Variants in RBFOX1 observed in about 807,000 individuals in gnomAD.
RBFOX1 encodes RNA binding fox-1 homolog 1.
In RBFOX1, 8 loss-of-function variants were observed where a neutral mutation model predicts 57.7. The observed-to-expected ratio is 0.14, with a 90% CI of 0.08 to 0.25. The LOEUF is 0.25. Among genes scored for constraint, RBFOX1 ranks in the 10% least tolerant of loss-of-function variants. The pLI, the probability that RBFOX1 is intolerant of heterozygous loss-of-function variation, is 1.00. For missense variants in RBFOX1, 611 were observed against 548.5 expected (o/e 1.11, Z -1.14); for synonymous variants, 326 against 222.4 (o/e 1.47, Z -4.15).
chr16:7,392,905 G>A (rs2098063942), intron 4 of RBFOX1, among the ~76,000 whole-genome samples: 1 of 151,942 alleles, frequency 6.6e-6, no homozygotes, highest in Non-Finnish European at 1.5e-5. Context: ...ACAGAGTCTT[G>A]CTGTGTCCCC....
At chr16:7,341,132 C>T (rs574016468) in intron 4 of RBFOX1, among the ~76,000 whole-genome samples, 3 of 152,156 alleles carry the variant, frequency 2.0e-5, no homozygotes, top group Non-Finnish European at 2.9e-5. Context: ...GTTTTTCCCC[C>T]GTCTAAAGAT....
chr16:7,340,428 C>T (rs905880680), intron 4 of RBFOX1, among the ~76,000 whole-genome samples: 1 of 152,148 alleles, frequency 6.6e-6, no homozygotes, highest in African/African-American at 2.4e-5. Context: ...TCAGATTTGC[C>T]AAAGGCAGGG....
In RBFOX1 at chr16:6,852,303, T is replaced by G. The variant is rs1258226697; in HGVS notation, c.-16+197653T>G. Among the ~76,000 whole-genome samples, 3 of 152,278 alleles carry G rather than the reference T, an allele frequency of 2.0e-5. 1 individual carries two copies. The East Asian group carries it at 5.8e-4, about 29-fold the overall frequency. On this transcript the variant is annotated intron_variant, in intron 3 of 15. Transcript: ENST00000550418. ...CGTTCTGTGTGTGCCTCTGCGTCTT[T>G]CTTTTAAGGATGCTTGAGGTTGCGT...
intron 7 of RBFOX1, among the ~76,000 whole-genome samples, chr16:7,592,381 G>A (rs1274039570): frequency 1.3e-5 from 2 of 152,034 alleles, no homozygotes; most frequent in Non-Finnish European, 1.5e-5. Context: ...TGCTGATTTC[G>A]GGGCAGTAGG....
chr16:5,923,585 A>G (rs1166259000), intron 4 of RBFOX1, among the ~76,000 whole-genome samples: 1 of 129,130 alleles, frequency 7.7e-6, no homozygotes, highest in East Asian at 2.5e-4. Flanking sequence ...TGTGTGGCCC[A>G]GGCTCGAATG....
intron 3 of RBFOX1, among the ~76,000 whole-genome samples, chr16:7,010,763 C>T (rs1448172186): frequency 6.6e-6 from 1 of 152,084 alleles, no homozygotes; most frequent in East Asian, 1.9e-4. Context: ...CATGGTTTCT[C>T]CATGTTGGCC....
rs914489632 is a variant in RBFOX1 at position 6,172,406 on chromosome 16, C to T, written c.-126-144589C>T. 3.9e-5 allele frequency among the ~76,000 whole-genome samples: 6 copies of T among 152,174 alleles called. No individual in the cohort carries two copies. The East Asian group carries it at 5.8e-4, about 15-fold the overall frequency. On this transcript the variant is annotated intron_variant, in intron 1 of 15. Transcript: ENST00000550418. ...CTGCTTCATCTCTCGTTTACAGTTCCATCCCTGTGAGCAAACCCTTGGTGT... is the reference window on the plus strand; with the variant it reads ...CTGCTTCATCTCTCGTTTACAGTTCTATCCCTGTGAGCAAACCCTTGGTGT...
intron 3 of RBFOX1, among the ~76,000 whole-genome samples, chr16:6,860,357 G>C (rs578104626): frequency 4.6e-5 from 7 of 152,138 alleles, no homozygotes; most frequent in East Asian, 1.9e-4. Flanking sequence ...TATTTGGGAA[G>C]CATCTTGGAA....
chr16:5,370,301 C>T (rs4786681), intron 1 of RBFOX1, among the ~76,000 whole-genome samples: 17,894 of 151,830 alleles, frequency 0.12, 1,815 homozygotes, highest in African/African-American at 0.28. Flanking sequence ...GAGATCTAGA[C>T]GGCATCTCCA....
chr16:5,428,768 A>G (rs1202298980), intron 1 of RBFOX1, among the ~76,000 whole-genome samples: 1 of 152,186 alleles, frequency 6.6e-6, no homozygotes. Context: ...GAAATTGAGT[A>G]TAACTTGCTA....
At chr16:6,306,202 A>G (rs1033148905) in intron 1 of RBFOX1, among the ~76,000 whole-genome samples, 9 of 152,302 alleles carry the variant, frequency 5.9e-5, no homozygotes, top group East Asian at 3.9e-4. Context: ...TATAGCTGAG[A>G]TAAATGCAAT....
At chr16:7,586,879 A>G (rs932049387) in intron 6 of RBFOX1, among the ~76,000 whole-genome samples, 8 of 152,252 alleles carry the variant, frequency 5.3e-5, no homozygotes, top group African/African-American at 1.4e-4. Context: ...ATCACATTTC[A>G]TCAAGGGTGT....
chr16:7,203,444 G>C (rs954051079), intron 4 of RBFOX1, among the ~76,000 whole-genome samples: 24 of 152,184 alleles, frequency 1.6e-4, no homozygotes, highest in Admixed American at 1.1e-3. Flanking sequence ...GACAAAAAGA[G>C]TTCTGGAGGT....
At chr16:7,387,751 C>G (rs1176840421) in intron 4 of RBFOX1, among the ~76,000 whole-genome samples, 1 of 152,158 alleles carries the variant, frequency 6.6e-6, no homozygotes, top group African/African-American at 2.4e-5. Flanking sequence ...GGCCTCCCCA[C>G]AATCCCATGA....
intron 4 of RBFOX1, among the ~76,000 whole-genome samples, chr16:5,878,513 T>C (rs1457699039): frequency 6.6e-6 from 1 of 152,158 alleles, no homozygotes; most frequent in African/African-American, 2.4e-5. Flanking sequence ...CCAGCAAAGA[T>C]GGGGGAAGCA....
At chr16:6,767,727 A>C (rs1044050402) in intron 3 of RBFOX1, among the ~76,000 whole-genome samples, 1 of 151,848 alleles carries the variant, frequency 6.6e-6, no homozygotes, top group Non-Finnish European at 1.5e-5. Flanking sequence ...CAGCCTGGCC[A>C]ATATGGTGAA....
At chr16:5,687,302 A>G (rs1167099095) in intron 3 of RBFOX1, among the ~76,000 whole-genome samples, 1 of 152,104 alleles carries the variant, frequency 6.6e-6, no homozygotes, top group Admixed American at 6.5e-5. Flanking sequence ...TTAGTGCAGT[A>G]GTGTGTGGAC....
chr16:6,430,813 G>C (rs1423062510), intron 2 of RBFOX1, among the ~76,000 whole-genome samples: 1 of 151,970 alleles, frequency 6.6e-6, no homozygotes, highest in Non-Finnish European at 1.5e-5. Context: ...GTGGATACAA[G>C]ATTAAAGGCA....
intron 3 of RBFOX1, among the ~76,000 whole-genome samples, chr16:6,946,160 G>T (rs2079474672): frequency 6.6e-6 from 1 of 152,188 alleles, no homozygotes; most frequent in South Asian, 2.1e-4. Flanking sequence ...CATGATTAGG[G>T]GTTGGCAAGT....
Sources: allele counts gnomAD v4.1 joint callset (sites outside exome capture counted in the v4.1 genomes callset), GRCh38; gene constraint gnomAD v4.1.1; transcripts MANE v1.5; gene names NCBI Gene and HGNC (gene_info 2026-07-23, HGNC 2026-07-21).